Variants in SESTD1 observed in about 807,000 individuals in gnomAD.
SESTD1 encodes SEC14 domain and spectrin repeat-containing protein 1.
Under a neutral mutation model 101.7 loss-of-function variants are expected in SESTD1, and 43 were observed. The ratio of observed to expected loss-of-function variants is 0.42; its 90% CI spans 0.33 to 0.55. SESTD1 has a LOEUF of 0.55. SESTD1 is among the 20% of genes least tolerant of loss of function. The pLI, the probability that SESTD1 is intolerant of heterozygous loss-of-function variation, is 0.07. For synonymous variants in SESTD1, 283 were observed against 286.8 expected, an observed-to-expected ratio of 0.99 and a Z score of 0.13; for missense variants, 647 against 815.1, an observed-to-expected ratio of 0.79 and a Z score of 2.51.
intron 9 of SESTD1, among the ~76,000 whole-genome samples, chr2:179,137,709 G>A (rs1035960117): frequency 1.3e-5 from 2 of 152,048 alleles, no homozygotes; most frequent in African/African-American, 4.8e-5. Context: ...GGGGAATCAC[G>A]GATAAATATC....
At chr2:179,240,151 A>G (rs2047129837) in intron 1 of SESTD1, among the ~76,000 whole-genome samples, 1 of 152,204 alleles carries the variant, frequency 6.6e-6, no homozygotes, top group Admixed American at 6.5e-5. Context: ...AATTCTATAG[A>G]ACATCAAATG....
chr2:179,236,866 A>C (rs556705302), intron 1 of SESTD1, among the ~76,000 whole-genome samples: 3 of 152,070 alleles, frequency 2.0e-5, no homozygotes, highest in Non-Finnish European at 2.9e-5. Flanking sequence ...TAAATAGAAT[A>C]ATATAAAACC....
intron 6 of SESTD1, among the ~76,000 whole-genome samples, chr2:179,150,165 C>T (rs2105449216): frequency 6.6e-6 from 1 of 152,290 alleles, no homozygotes; most frequent in Non-Finnish European, 1.5e-5. Context: ...TTAAAGGTTG[C>T]AGTGTGTGGT....
At chr2:179,182,003 A>C (rs1030374433) in intron 3 of SESTD1, among the ~76,000 whole-genome samples, 8 of 152,052 alleles carry the variant, frequency 5.3e-5, no homozygotes, top group Admixed American at 2.6e-4. Context: ...AAAAAAAAAA[A>C]AAAACAGCAA....
chr2:179,261,349 C>T (rs1026782115), intron 1 of SESTD1, among the ~76,000 whole-genome samples: 1 of 152,036 alleles, frequency 6.6e-6, no homozygotes, highest in African/African-American at 2.4e-5. Flanking sequence ...CTGTATGCCT[C>T]ATTGAGTGCA....
chr2:179,259,222 T>G (rs1286504615), intron 1 of SESTD1, among the ~76,000 whole-genome samples: 4 of 152,126 alleles, frequency 2.6e-5, no homozygotes, highest in African/African-American at 9.7e-5. Flanking sequence ...CTAGTGTTAG[T>G]TCTCTAGCTT....
rs959986550 is a variant in SESTD1, at chr2:179,122,488, CT to C, written c.1283-560del. 2.5e-3 allele frequency among the ~76,000 whole-genome samples: 363 copies of C among 147,486 alleles called. 1 individual carries two copies. Among genetic ancestry groups the C allele is most frequent in the African/African-American group, 7.7e-3 (312 of 40,466 alleles). On this transcript the variant is annotated intron_variant, in intron 12 of 17. Transcript: ENST00000428443. ...TCTCCAAATTACATGTGTAAAGGAACTTTTTTTTTTTAAACAAAGACTGTGG... is the reference window on the plus strand; with the variant it reads ...TCTCCAAATTACATGTGTAAAGGAACTTTTTTTTTTAAACAAAGACTGTGG...
Position 179,128,414 on chromosome 2 carries a change from A to T in SESTD1, c.973-3856T>A, listed in dbSNP as rs1327193602. ...CATTTGCATGTATTTAAAAAAAGTC[A>T]TCCAAATGTTTCTTCCTAAAAAACG... On this transcript the variant is annotated intron_variant, in intron 10 of 17. Coordinates refer to ENST00000428443, the MANE Select transcript of SESTD1 (RefSeq NM_178123.5). 2.0e-5 allele frequency among the ~76,000 whole-genome samples: 3 copies of T among 152,288 alleles called. No homozygotes were observed. The East Asian group carries it at 5.8e-4, about 29-fold the overall frequency.
At chr2:179,111,572 C>T (rs2044507418) in intron 17 of SESTD1, among the ~76,000 whole-genome samples, 1 of 152,200 alleles carries the variant, frequency 6.6e-6, no homozygotes, top group Admixed American at 6.5e-5. Context: ...AGACTCATCA[C>T]ACTATACCAC....
intron 10 of SESTD1, among the ~76,000 whole-genome samples, chr2:179,129,959 A>T (rs2044971822): frequency 6.6e-6 from 1 of 152,160 alleles, no homozygotes; most frequent in Non-Finnish European, 1.5e-5. Context: ...TCTGTTTCAC[A>T]TACACTCCCA....
chr2:179,116,400 G>T (rs946563780), intron 15 of SESTD1, among the ~76,000 whole-genome samples: 8 of 152,138 alleles, frequency 5.3e-5, no homozygotes, highest in Non-Finnish European at 1.0e-4. Context: ...TAACTTCTGT[G>T]GATGAACAGT....
chr2:179,202,993 T>C (rs1008703097), intron 1 of SESTD1, among the ~76,000 whole-genome samples: 3 of 135,000 alleles, frequency 2.2e-5, no homozygotes, highest in Admixed American at 1.4e-4. Context: ...CTCCACCTCA[T>C]TGCCAAAGAT....
At position 179,176,450 on chromosome 2, in the gene SESTD1, G is replaced by A; in HGVS notation, c.253C>T (p.Gln85Ter). Reference protein sequence around the residue: ...NVVKTVVVMLQNVVPAEVSLV... With the variant: ...NVVKTVVVML Reference sequence around the variant, plus strand: ...CTGATAGACAAAACCAAAATTACCTGTAGCATTACGACTACTGTTTTCACC... The same window carrying A: ...CTGATAGACAAAACCAAAATTACCTATAGCATTACGACTACTGTTTTCACC... Residue 85 changes from glutamine (Q) to a stop codon, truncating the protein, a stop_gained and splice_region_variant, in exon 4 of 18, where the codon CAG becomes TAG. Transcript: ENST00000428443. LOFTEE classifies it high-confidence loss of function. 1.2e-6 allele frequency: 2 copies of A among 1,612,114 alleles called. No individual in the cohort carries two copies.
chr2:179,218,307 ACTTGT>A (rs933521842), intron 1 of SESTD1, among the ~76,000 whole-genome samples: 21 of 150,320 alleles, frequency 1.4e-4, no homozygotes, highest in African/African-American at 5.1e-4. Context: ...TAAAAAAAAA[ACTTGT>A]CTTGTAAAGC....
chr2:179,152,843 G>A (rs1260161467), intron 5 of SESTD1, among the ~76,000 whole-genome samples: 2 of 152,096 alleles, frequency 1.3e-5, no homozygotes, highest in Non-Finnish European at 2.9e-5. Flanking sequence ...AATGAGCTAA[G>A]TGACCCATCT....
chr2:179,188,323 G>C (rs527789014), intron 2 of SESTD1, among the ~76,000 whole-genome samples: 1 of 152,314 alleles, frequency 6.6e-6, no homozygotes, highest in East Asian at 1.9e-4. Flanking sequence ...GCTTGCATTT[G>C]AATGAATGTT....
At chr2:179,184,108 T>C (rs1267698000) in intron 2 of SESTD1, among the ~76,000 whole-genome samples, 2 of 152,120 alleles carry the variant, frequency 1.3e-5, no homozygotes, top group Non-Finnish European at 2.9e-5. Flanking sequence ...GGTAGTAGAA[T>C]ACAGTTACAT....
intron 4 of SESTD1, among the ~76,000 whole-genome samples, chr2:179,176,170 C>T (rs1471629065): frequency 6.6e-6 from 1 of 152,190 alleles, no homozygotes; most frequent in Non-Finnish European, 1.5e-5. Flanking sequence ...AATGCTCACA[C>T]ATTTAAAATC....
intron 1 of SESTD1, among the ~76,000 whole-genome samples, chr2:179,225,828 C>A (rs1316363243): frequency 6.6e-6 from 1 of 152,186 alleles, no homozygotes; most frequent in Non-Finnish European, 1.5e-5. Flanking sequence ...GCCCTTCTGA[C>A]TCAATCACCT....
Sources: gnomAD v4.1 joint callset for allele counts (sites outside exome capture counted in the v4.1 genomes callset) on GRCh38, gnomAD v4.1.1 for gene constraint, MANE v1.5 for transcripts, NCBI Gene and HGNC (gene_info 2026-07-23, HGNC 2026-07-21) for gene names.